MYO6: variants seen among roughly 807,000 people sequenced by gnomAD.
MYO6 encodes myosin VI.
In MYO6, 74 loss-of-function variants were observed where a neutral mutation model predicts 178.7. The observed-to-expected ratio is 0.41, with a 90% CI of 0.34 to 0.50. MYO6 has a LOEUF of 0.50. Ranked by LOEUF, MYO6 falls within the 20% of genes least tolerant of loss-of-function variation. The pLI, the probability that MYO6 is intolerant of heterozygous loss-of-function variation, is 0.09. For missense variants in MYO6, 1,330 were observed against 1,547.4 expected (o/e 0.86, Z 2.36); for synonymous variants, 477 against 504.6 (o/e 0.95, Z 0.73).
At chr6:75,809,252 G>C (rs1024955468) in intron 1 of MYO6, among the ~76,000 whole-genome samples, 1 of 152,192 alleles carries the variant, frequency 6.6e-6, no homozygotes, top group African/African-American at 2.4e-5. Context: ...TGATGTTGGG[G>C]TTCCGAGATT....
chr6:75,886,076 A>G lies in MYO6; in HGVS notation c.2489A>G (p.Lys830Arg). The G allele has an allele frequency of 6.2e-7, 1 of 1,610,680 alleles. No homozygotes were observed. The highest frequency in any genetic ancestry group is 8.5e-7 in the Non-Finnish European group (1 of 1,177,168). Residue 830 changes from lysine to arginine, a missense_variant, in exon 24 of 35, where the codon AAG becomes AGG. Lys to Arg is a conservative substitution (Grantham distance 26, BLOSUM62 2). Around this residue, in one of 3 missense-constraint regions of MYO6, gnomAD observed 601 missense variants for 626.1 expected, o/e 0.96. Coordinates refer to ENST00000369977, the MANE Select transcript of MYO6 (RefSeq NM_004999.4). ...AAAACTATTCGAATGTGGCTTTGCA[A>G]GAGGAGACACAAACCTCGGTAAGAT... The part of the protein sequence containing the change: ...MQKTIRMWLC[K>R]RRHKPRIDGL...
intron 23 of MYO6, among the ~76,000 whole-genome samples, chr6:75,885,471 T>TGG (rs1251290932): frequency 6.6e-6 from 1 of 151,276 alleles, no homozygotes; most frequent in African/African-American, 2.4e-5. Context: ...TTTTTTGAGA[T>TGG]GGAGTCTTGC....
intron 28 of MYO6, 71 bp downstream of exon 28, chr6:75,892,761 A>G (rs1444567700): frequency 2.0e-6 from 3 of 1,527,330 alleles, no homozygotes; most frequent in Non-Finnish European, 2.7e-6. Flanking sequence ...TCTCATTTCC[A>G]TGCAGAAGGG....
chr6:75,829,009 G>A (rs77157127), intron 4 of MYO6, among the ~76,000 whole-genome samples: 1,928 of 152,118 alleles, frequency 0.013, 46 homozygotes, highest in African/African-American at 0.044. Flanking sequence ...ACAATGTAAG[G>A]CAGCCTATAA....
intron 1 of MYO6, among the ~76,000 whole-genome samples, chr6:75,762,079 C>T (rs1362134316): frequency 6.6e-6 from 1 of 152,066 alleles, no homozygotes; most frequent in African/African-American, 2.4e-5. Flanking sequence ...CTACAGGCGT[C>T]AGCCACCACG....
At chr6:75,899,172 T>A (rs996093179) in intron 30 of MYO6, among the ~76,000 whole-genome samples, 1 of 152,186 alleles carries the variant, frequency 6.6e-6, no homozygotes, top group African/African-American at 2.4e-5. Context: ...AGATGTACTT[T>A]TGTTTGAGGT....
chr6:75,772,274 G>A (rs1269932804), intron 1 of MYO6, among the ~76,000 whole-genome samples: 5 of 151,944 alleles, frequency 3.3e-5, no homozygotes. Context: ...TTCTATGTTC[G>A]GAGATGTAGG....
At chr6:75,890,032 T>G in intron 25 of MYO6, 25 bp from the exon 26 acceptor site, 1 of 1,503,468 alleles carries the variant, frequency 6.7e-7, no homozygotes, top group Non-Finnish European at 9.3e-7. Context: ...AGCTTTTACG[T>G]ACCTATTTAT....
chr6:75,903,485 CTTCT>C (rs1779994183), intron 30 of MYO6, among the ~76,000 whole-genome samples: 1 of 151,682 alleles, frequency 6.6e-6, no homozygotes, highest in South Asian at 2.1e-4. Context: ...ATGTAATGGC[CTTCT>C]TTGTCTCTTT....
chr6:75,867,136 A>G lies in MYO6; in HGVS notation c.1944+31A>G, dbSNP rs199620053. On this transcript the variant is annotated intron_variant, in intron 18 of 34. Coordinates refer to ENST00000369977, the MANE Select transcript of MYO6 (RefSeq NM_004999.4). ...TGTGTTATTTAATTTTTTTTTTACT[A>G]TATTTAAAATGAAATTATTGTTTTA... 1.6e-3 allele frequency: 2,349 copies of G among 1,485,434 alleles called. 7 individuals are homozygous for G. The highest frequency in any genetic ancestry group is 7.0e-3 in the Middle Eastern group (30 of 4,262). 92.0% of individuals were successfully genotyped at this position (1,485,434 alleles called of 1,614,324 possible).
At chr6:75,771,351 C>G (rs1442825551) in intron 1 of MYO6, among the ~76,000 whole-genome samples, 1 of 151,906 alleles carries the variant, frequency 6.6e-6, no homozygotes, top group African/African-American at 2.4e-5. Flanking sequence ...TTTTTAGTGG[C>G]CTCCACTAAA....
At chr6:75,895,117 T>A (rs1779194861) in intron 28 of MYO6, 114 bp from the exon 29 acceptor site, 1 of 773,696 alleles carries the variant, frequency 1.3e-6, no homozygotes, top group African/African-American at 1.8e-5. Context: ...TGATTACAAA[T>A]AATTGAGTTT....
intron 1 of MYO6, among the ~76,000 whole-genome samples, chr6:75,778,888 C>CA (rs977430880): frequency 7.3e-5 from 11 of 151,246 alleles, no homozygotes; most frequent in Non-Finnish European, 1.3e-4. Flanking sequence ...CCTATCTCTA[C>CA]AAAAAAACAA....
At chr6:75,786,181 T>G (rs996786011) in intron 1 of MYO6, among the ~76,000 whole-genome samples, 5 of 152,094 alleles carry the variant, frequency 3.3e-5, no homozygotes, top group African/African-American at 9.7e-5. Flanking sequence ...CCGCCTTGGC[T>G]TCCCAAAGTG....
intron 1 of MYO6, among the ~76,000 whole-genome samples, chr6:75,796,342 T>C (rs1706950690): frequency 6.6e-6 from 1 of 152,216 alleles, no homozygotes; most frequent in Non-Finnish European, 1.5e-5. Context: ...CCCTTCTTCC[T>C]CTCAGTACAC....
At chr6:75,826,930 A>G (rs1323290682) in intron 3 of MYO6, among the ~76,000 whole-genome samples, 1 of 152,068 alleles carries the variant, frequency 6.6e-6, no homozygotes, top group Admixed American at 6.5e-5. Context: ...GAAAAAAAAA[A>G]GCAGTGAGGT....
intron 1 of MYO6, among the ~76,000 whole-genome samples, chr6:75,756,426 G>A (rs570658832): frequency 7.9e-5 from 12 of 151,980 alleles, no homozygotes; most frequent in Non-Finnish European, 1.0e-4. Context: ...TCCGCCTCTC[G>A]GGTTCAAGCG....
chr6:75,829,650 C>T (rs1772865593), intron 4 of MYO6, among the ~76,000 whole-genome samples: 1 of 151,688 alleles, frequency 6.6e-6, no homozygotes, highest in African/African-American at 2.4e-5. Flanking sequence ...TTTTCAAAAT[C>T]AACTAAATAA....
At chr6:75,845,079 T>C in intron 10 of MYO6, 102 bp downstream of exon 10, 1 of 929,372 alleles carries the variant, frequency 1.1e-6, no homozygotes, top group Non-Finnish European at 1.7e-6. Context: ...GAGTTCTAAC[T>C]TTTAGGCTTA....
Sources: gnomAD v4.1 joint callset for allele counts (sites outside exome capture counted in the v4.1 genomes callset) on GRCh38, gnomAD v4.1.1 for gene constraint, gnomAD v4.1.1 regional missense constraint, MANE v1.5 for transcripts, NCBI Gene and HGNC (gene_info 2026-07-23, HGNC 2026-07-21) for gene names.